Variants in ABCA4 observed in about 807,000 individuals in gnomAD.
ABCA4 encodes ATP binding cassette subfamily A member 4.
ABCA4 carries 196 observed loss-of-function variants against 263.7 expected under a neutral mutation model. The observed-to-expected ratio is 0.74, with a 90% CI of 0.66 to 0.84. ABCA4 has a LOEUF of 0.84. Among genes scored for constraint, ABCA4 ranks in the 40% least tolerant of loss-of-function variants. The pLI, the probability that ABCA4 is intolerant of heterozygous loss-of-function variation, is 0.00. For missense variants in ABCA4, 2,792 were observed against 2,855.1 expected (o/e 0.98, Z 0.50); for synonymous variants, 1,133 against 1,094.2 (o/e 1.04, Z -0.70).
intron 1 of ABCA4, 86 bp downstream of exon 1, chr1:94,120,882 ACCCTGCCCCACC>A: frequency 1.2e-5 from 2 of 166,764 alleles, no homozygotes; most frequent in South Asian, 5.0e-5. Flanking sequence ...ACAACCCCCC[ACCCTGCCCCACC>A]ACCCTACCCC....
Position 93,997,987 on chromosome 1 carries a change from C to T in ABCA4, c.6603G>A (p.Arg2201=). ...CCTGGAACTGGAGCATGTTGTAGTGCCTCTCCCTCTGCACACTGCCTGGGA... is the reference window on the plus strand; with the variant it reads ...CCTGGAACTGGAGCATGTTGTAGTGTCTCTCCCTCTGCACACTGCCTGGGA... ...GNFPGSVQRE[R]HYNMLQFQVS... Residue 2201 remains arginine (R), a synonymous_variant, in exon 48 of 50, where the codon AGG becomes AGA. Transcript: ENST00000370225. 1 of 1,614,128 alleles carries T rather than the reference C, an allele frequency of 6.2e-7. No individual in the cohort carries two copies. Among genetic ancestry groups the T allele is most frequent in the South Asian group, 1.1e-5 (1 of 91,062 alleles).
chr1:94,030,642 C>T, intron 28 of ABCA4, 116 bp from the exon 29 acceptor site: 1 of 1,042,254 alleles, frequency 9.6e-7, no homozygotes, highest in Non-Finnish European at 1.5e-6. Flanking sequence ...GCACCGAATG[C>T]TGCCTTGGGA....
At chr1:94,116,976 TTC>T (rs1491522804) in intron 1 of ABCA4, among the ~76,000 whole-genome samples, 4 of 96,704 alleles carry the variant, frequency 4.1e-5, no homozygotes, top group African/African-American at 1.6e-4. Flanking sequence ...TTCTCTTTCT[TTC>T]TTTCTTTCTT....
intron 45 of ABCA4, 163 bp downstream of exon 45, chr1:94,001,695 C>T (rs559894909): frequency 1.9e-6 from 2 of 1,070,322 alleles, no homozygotes; most frequent in Admixed American, 2.0e-5. Context: ...GCTGTGTGAA[C>T]CAAACACTGG....
intron 48 of ABCA4, 97 bp from the exon 49 acceptor site, chr1:93,996,292 C>T: frequency 2.1e-6 from 2 of 939,468 alleles, no homozygotes; most frequent in Non-Finnish European, 3.4e-6. Context: ...CCACAGTTCA[C>T]ATACAGCCCT....
At chr1:94,049,110 A>G (rs1037955675) in intron 17 of ABCA4, among the ~76,000 whole-genome samples, 153 bp from the exon 18 acceptor site, 2 of 152,106 alleles carry the variant, frequency 1.3e-5, no homozygotes, top group Admixed American at 1.3e-4. Flanking sequence ...TGATCACACA[A>G]TCTTTGCCAG....
At chr1:94,079,183 G>T in intron 9 of ABCA4, 139 bp downstream of exon 9, 1 of 1,260,294 alleles carries the variant, frequency 7.9e-7, no homozygotes, top group Non-Finnish European at 1.1e-6. Context: ...GGATGGGGGA[G>T]GAAACGCAAG....
chr1:94,057,750 C>G (rs1009098079), intron 14 of ABCA4, among the ~76,000 whole-genome samples: 3 of 152,192 alleles, frequency 2.0e-5, no homozygotes, highest in African/African-American at 7.2e-5. Flanking sequence ...GCAACTTTTG[C>G]TAGGGGAACT....
At chr1:94,039,702 C>T (rs921019356) in intron 24 of ABCA4, among the ~76,000 whole-genome samples, 6 of 152,294 alleles carry the variant, frequency 3.9e-5, no homozygotes, top group South Asian at 2.1e-4. Context: ...GAGGGCGCCA[C>T]GGCACACATG....
chr1:94,009,907 T>TCTC (rs1449833848), intron 40 of ABCA4, among the ~76,000 whole-genome samples: 4 of 152,192 alleles, frequency 2.6e-5, no homozygotes, highest in Non-Finnish European at 5.9e-5. Context: ...CCTGACACTG[T>TCTC]CTCCCATAAC....
chr1:94,005,196 A>C (rs1659338638), intron 44 of ABCA4, among the ~76,000 whole-genome samples: 3 of 152,220 alleles, frequency 2.0e-5, no homozygotes, highest in African/African-American at 7.2e-5. Flanking sequence ...GCTGAGTCAG[A>C]GGATAAATGC....
chr1:94,000,582 A>T (rs1433221131), intron 47 of ABCA4, among the ~76,000 whole-genome samples: 1 of 152,070 alleles, frequency 6.6e-6, no homozygotes, highest in Non-Finnish European at 1.5e-5. Flanking sequence ...CAGGCTCTGC[A>T]TGCATCCTGA....
chr1:93,998,699 A>ATTTAT (rs1185132256), intron 47 of ABCA4, among the ~76,000 whole-genome samples: 4 of 138,648 alleles, frequency 2.9e-5, no homozygotes, highest in Non-Finnish European at 4.7e-5. Flanking sequence ...AGGTAGTTTT[A>ATTTAT]TTTATTTTAT....
At position 94,037,165 on chromosome 1, in the gene ABCA4, A is replaced by G; in HGVS notation, c.3793T>C (p.Ser1265Pro). ...TTTACCTCTTCCAGGGGAGTGTCAG[A>G]AATTCCAAAACTGCTGAGACCAAGG... ...ADLGLSSFGI[S>P]DTPLEEIFLK... The change falls in exon 25 of 50, where the codon TCT (serine) becomes CCT (proline). Residue 1265 changes from serine (S) to proline (P), a missense_variant. Ser to Pro is a moderately conservative substitution (Grantham distance 74). Transcript: ENST00000370225. 6.2e-7 allele frequency: 1 copy of G among 1,614,234 alleles called. No individual in the cohort carries two copies. The highest frequency in any genetic ancestry group is 8.5e-7 in the Non-Finnish European group (1 of 1,180,050).
In ABCA4 at chr1:94,030,427, C is replaced by T. The variant is rs200967229; in HGVS notation, c.4352+1G>A. The T allele has an allele frequency of 5.0e-6, 8 of 1,614,160 alleles. No individual in the cohort carries two copies. The highest frequency in any genetic ancestry group is 2.7e-5 in the African/African-American group (2 of 75,064). On this transcript the variant is annotated splice_donor_variant, in intron 29 of 49. Transcript: ENST00000370225. LOFTEE classifies it high-confidence loss of function. ...TAGGACAGGGGCGCGTAGGCACTTA[C>T]GGAAGCCACCCTTCCTTCAGGCAGC...
At chr1:94,093,107 G>A (rs1406526081) in intron 6 of ABCA4, among the ~76,000 whole-genome samples, 1 of 152,182 alleles carries the variant, frequency 6.6e-6, no homozygotes, top group African/African-American at 2.4e-5. Context: ...TGGTCCTCAC[G>A]CCATTGGATC....
intron 6 of ABCA4, among the ~76,000 whole-genome samples, chr1:94,091,579 TCA>T (rs35529737): frequency 0.087 from 12,485 of 143,354 alleles, 1,067 homozygotes; most frequent in African/African-American, 0.23. Flanking sequence ...AAACATCATC[TCA>T]CACACACACA....
chr1:94,037,336 G>A lies in ABCA4; in HGVS notation c.3622C>T (p.Leu1208=), dbSNP rs757221381. Residue 1208 remains leucine, a synonymous_variant, in exon 25 of 50, where the codon CTG becomes TTG. Coordinates refer to ENST00000370225, the MANE Select transcript of ABCA4 (RefSeq NM_000350.3). ...EQVLDGDVNE[L]MDVVLHHVPE... Reference sequence around the variant, plus strand: ...ACATGGTGGAGAACTACATCCATCAGCTCATTTACATCCCCTAGGACAAGA... The same window carrying A: ...ACATGGTGGAGAACTACATCCATCAACTCATTTACATCCCCTAGGACAAGA... The A allele has an allele frequency of 1.2e-6, 2 of 1,614,140 alleles. No individual in the cohort carries two copies. Among genetic ancestry groups the A allele is most frequent in the Non-Finnish European group, 1.7e-6 (2 of 1,180,022 alleles).
chr1:93,994,175 C>A (rs17110724), intron 49 of ABCA4, among the ~76,000 whole-genome samples: 5,969 of 152,162 alleles, frequency 0.039, 391 homozygotes, highest in African/African-American at 0.14. Flanking sequence ...AATGCACATG[C>A]GATGGTCACA....
Sources: gnomAD v4.1 joint callset for allele counts (sites outside exome capture counted in the v4.1 genomes callset) on GRCh38, gnomAD v4.1.1 for gene constraint, MANE v1.5 for transcripts, NCBI Gene and HGNC (gene_info 2026-07-23, HGNC 2026-07-21) for gene names.